The following GMDS variants were observed in gnomAD, a reference collection of about 807,000 sequenced individuals.
GMDS encodes GDP-mannose 4,6 dehydratase.
A neutral mutation model predicts 49.9 loss-of-function variants in GMDS; 20 were observed. The ratio of observed to expected loss-of-function variants is 0.40; its 90% CI spans 0.28 to 0.58. The LOEUF (loss-of-function observed/expected upper bound fraction) is 0.58, where lower values mean the gene tolerates loss of function less well. Among genes scored for constraint, GMDS ranks in the 20% least tolerant of loss-of-function variants. GMDS has a pLI of 0.42. For missense variants in GMDS, 362 were observed against 481.4 expected (o/e 0.75, Z 2.32); for synonymous variants, 177 against 178.6 (o/e 0.99, Z 0.07).
intron 4 of GMDS, among the ~76,000 whole-genome samples, chr6:2,061,718 C>CAAAAAAAAAAAA (rs68037512): frequency 1.8e-5 from 1 of 57,098 alleles, no homozygotes; most frequent in Non-Finnish European, 3.1e-5. Flanking sequence ...GACTCTGTCT[C>CAAAAAAAAAAAA]AAAAAAAAAA....
intron 1 of GMDS, among the ~76,000 whole-genome samples, chr6:2,190,185 T>C (rs539513887): frequency 6.6e-6 from 1 of 152,300 alleles, no homozygotes; most frequent in African/African-American, 2.4e-5. Context: ...AAAGAGCAAA[T>C]GTGGAATGGG....
At chr6:1,921,411 G>A (rs888673329) in intron 7 of GMDS, among the ~76,000 whole-genome samples, 3 of 152,162 alleles carry the variant, frequency 2.0e-5, no homozygotes, top group African/African-American at 7.2e-5. Context: ...CTTATTTGGG[G>A]ACACAGCAGC....
chr6:2,002,554 T>C (rs1456889637), intron 4 of GMDS, among the ~76,000 whole-genome samples: 2 of 152,226 alleles, frequency 1.3e-5, no homozygotes, highest in African/African-American at 4.8e-5. Flanking sequence ...TATTTATTCC[T>C]TAAACTGAAA....
At chr6:1,976,921 A>C (rs1764936419) in intron 4 of GMDS, among the ~76,000 whole-genome samples, 1 of 152,204 alleles carries the variant, frequency 6.6e-6, no homozygotes, top group Non-Finnish European at 1.5e-5. Context: ...AATATTGCTC[A>C]TGATTATTCT....
At chr6:1,934,234 C>T (rs1002879810) in intron 6 of GMDS, among the ~76,000 whole-genome samples, 1 of 152,190 alleles carries the variant, frequency 6.6e-6, no homozygotes, top group African/African-American at 2.4e-5. Flanking sequence ...GATGTACTTA[C>T]TCTATGTCTA....
rs144553212 is a variant in GMDS, at chr6:1,664,566, A to G, written c.988-40026T>C. Among the ~76,000 whole-genome samples, 584 of 152,318 alleles carry G rather than the reference A, an allele frequency of 3.8e-3. 4 individuals are homozygous for G. The highest frequency in any genetic ancestry group is 6.4e-3 in the Non-Finnish European group (434 of 68,032). ...CCACTCCTACAGGCACAGCACGGAC[A>G]ATCACATAACGAAGCTGAAAGCAAT... On this transcript the variant is annotated intron_variant, in intron 9 of 10. Transcript: ENST00000380815.
chr6:2,204,641 C>T (rs550271884), intron 1 of GMDS, among the ~76,000 whole-genome samples: 27 of 152,294 alleles, frequency 1.8e-4, no homozygotes, highest in African/African-American at 4.3e-4. Context: ...AATAACTACA[C>T]GTGGCTAGAG....
At chr6:2,111,662 C>T (rs993771555) in intron 4 of GMDS, among the ~76,000 whole-genome samples, 7 of 152,108 alleles carry the variant, frequency 4.6e-5, no homozygotes, top group Admixed American at 3.9e-4. Flanking sequence ...CTAGAAGTCA[C>T]GGGTGCAAAA....
chr6:2,030,181 G>C (rs1193863098), intron 4 of GMDS, among the ~76,000 whole-genome samples: 1 of 152,204 alleles, frequency 6.6e-6, no homozygotes, highest in African/African-American at 2.4e-5. Context: ...TCCTCCACAA[G>C]AGTCTGTGGG....
intron 1 of GMDS, among the ~76,000 whole-genome samples, chr6:2,135,206 C>G (rs904266531): frequency 2.6e-5 from 4 of 152,178 alleles, no homozygotes; most frequent in Non-Finnish European, 5.9e-5. Flanking sequence ...AACCCATATA[C>G]AGTTTAGCAC....
rs57130393 is a variant in GMDS, at chr6:1,656,454, C to CA, written c.988-31915dup. On this transcript the variant is annotated intron_variant, in intron 9 of 10. Coordinates refer to ENST00000380815, the MANE Select transcript of GMDS (RefSeq NM_001500.4). ...GGATTGATATGATTGTTGGAAAACA[C>CA]AAAAAAACACAAATTCACATTTTCT... 2.4e-4 allele frequency among the ~76,000 whole-genome samples: 37 copies of CA among 152,092 alleles called. 1 individual carries two copies. Among genetic ancestry groups the CA allele is most frequent in the Non-Finnish European group, 7.4e-5 (5 of 67,976 alleles).
intron 1 of GMDS, among the ~76,000 whole-genome samples, chr6:2,160,227 T>C (rs551209144): frequency 1.3e-5 from 2 of 152,338 alleles, no homozygotes; most frequent in South Asian, 4.1e-4. Context: ...CAAAATATCA[T>C]ATCTGAACTC....
At chr6:2,211,566 A>G (rs1316736775) in intron 1 of GMDS, among the ~76,000 whole-genome samples, 2 of 152,138 alleles carry the variant, frequency 1.3e-5, no homozygotes, top group African/African-American at 4.8e-5. Flanking sequence ...TTCAAAATAA[A>G]CCAAAAGGAT....
At chr6:2,170,951 C>T (rs886796487) in intron 1 of GMDS, among the ~76,000 whole-genome samples, 6 of 151,974 alleles carry the variant, frequency 3.9e-5, no homozygotes, top group African/African-American at 1.5e-4. Flanking sequence ...GCCGAGATTG[C>T]ACCACTGCAC....
chr6:1,947,532 C>T (rs570568427), intron 6 of GMDS, among the ~76,000 whole-genome samples: 3 of 152,248 alleles, frequency 2.0e-5, no homozygotes, highest in South Asian at 4.1e-4. Flanking sequence ...TCTCTGTGAC[C>T]GCACTGATGT....
chr6:1,930,838 C>T (rs1317401197), intron 6 of GMDS: 2 of 152,134 alleles, frequency 1.3e-5, no homozygotes, highest in Non-Finnish European at 2.9e-5. Context: ...TATGATATGG[C>T]CCCTGGGCAA....
At chr6:1,743,728 A>T (rs1482564811) in intron 7 of GMDS, among the ~76,000 whole-genome samples, 1 of 149,692 alleles carries the variant, frequency 6.7e-6, no homozygotes, top group Non-Finnish European at 1.5e-5. Flanking sequence ...TCGCAATTGC[A>T]CCTTAAAGAT....
At chr6:2,075,181 G>T (rs922070696) in intron 4 of GMDS, among the ~76,000 whole-genome samples, 4 of 151,966 alleles carry the variant, frequency 2.6e-5, no homozygotes, top group African/African-American at 9.7e-5. Flanking sequence ...AAATGACATT[G>T]CTATTTTGAT....
intron 7 of GMDS, among the ~76,000 whole-genome samples, chr6:1,874,102 C>A (rs911828238): frequency 2.6e-5 from 4 of 152,214 alleles, no homozygotes; most frequent in Non-Finnish European, 4.4e-5. Context: ...TGCCACCCCA[C>A]GGGGACTGCA....
Sources: gnomAD v4.1 joint callset for allele counts (sites outside exome capture counted in the v4.1 genomes callset) on GRCh38, gnomAD v4.1.1 for gene constraint, MANE v1.5 for transcripts, NCBI Gene and HGNC (gene_info 2026-07-23, HGNC 2026-07-21) for gene names.